DECR1: variants seen among roughly 807,000 people sequenced by gnomAD.
The protein encoded by DECR1 is 2,4-dienoyl-CoA reductase 1.
DECR1 carries 44 observed loss-of-function variants against 38.8 expected under a neutral mutation model. That is an observed-to-expected ratio of 1.13 (90% CI 0.89 to 1.46). The LOEUF is 1.46. Ranked by LOEUF, DECR1 falls within the 40% of genes most tolerant of loss-of-function variation. The pLI is 0.00. For missense variants in DECR1, 428 were observed against 405.5 expected, an observed-to-expected ratio of 1.06 and a Z score of -0.48; for synonymous variants, 148 against 135.2, an observed-to-expected ratio of 1.09 and a Z score of -0.66.
intron 4 of DECR1, 95 bp downstream of exon 4, chr8:90,019,267 T>G (rs1193921759): frequency 1.9e-6 from 2 of 1,059,220 alleles, no homozygotes; most frequent in East Asian, 5.1e-5. Context: ...GATACTGATG[T>G]AGGACAGGCA....
At chr8:90,015,976 A>G (rs574400907) in intron 1 of DECR1, among the ~76,000 whole-genome samples, 4 of 152,356 alleles carry the variant, frequency 2.6e-5, no homozygotes, top group African/African-American at 7.2e-5. Context: ...GCAGGTGGTA[A>G]CTACTTAATG....
At chr8:90,027,422 T>C (rs1339696265) in intron 5 of DECR1, among the ~76,000 whole-genome samples, 2 of 152,190 alleles carry the variant, frequency 1.3e-5, no homozygotes, top group South Asian at 2.1e-4. Context: ...TGGGTGCATA[T>C]ATGTTTAGGA....
intron 5 of DECR1, among the ~76,000 whole-genome samples, chr8:90,033,886 GT>G (rs561988928): frequency 2.0e-5 from 3 of 151,860 alleles, no homozygotes; most frequent in East Asian, 3.9e-4. Flanking sequence ...TTTTAAAGCA[GT>G]TTTTTTTCTT....
chr8:90,040,251 A>G (rs1040909929), intron 6 of DECR1, among the ~76,000 whole-genome samples: 5 of 152,204 alleles, frequency 3.3e-5, no homozygotes, highest in Admixed American at 6.5e-5. Flanking sequence ...TATGGCAATG[A>G]ACTTTGTCAA....
chr8:90,051,456 T>A (rs1185471630), intron 8 of DECR1, among the ~76,000 whole-genome samples: 1 of 152,222 alleles, frequency 6.6e-6, no homozygotes, highest in African/African-American at 2.4e-5. Context: ...TAAGATGATC[T>A]TCAATATTGG....
intron 1 of DECR1, among the ~76,000 whole-genome samples, chr8:90,001,768 G>A (rs1195322155): frequency 2.7e-5 from 4 of 150,940 alleles, no homozygotes; most frequent in African/African-American, 9.8e-5. Context: ...GGGGCCTCGG[G>A]GAGCGAGGAC....
chr8:90,011,026 A>C (rs973664532), intron 1 of DECR1, among the ~76,000 whole-genome samples: 2 of 152,214 alleles, frequency 1.3e-5, no homozygotes, highest in African/African-American at 4.8e-5. Flanking sequence ...GGTTATTATT[A>C]CTATGGTTAT....
At chr8:90,044,230 C>A (rs183879936) in intron 7 of DECR1, among the ~76,000 whole-genome samples, 125 of 152,260 alleles carry the variant, frequency 8.2e-4, no homozygotes, top group African/African-American at 2.8e-3. Flanking sequence ...TGTCTTATGG[C>A]TGCATTATTG....
At chr8:90,021,105 G>C in intron 5 of DECR1, 49 bp downstream of exon 5, 5 of 1,466,604 alleles carry the variant, frequency 3.4e-6, no homozygotes, top group Non-Finnish European at 4.6e-6. Flanking sequence ...GTGTGTGCAA[G>C]GTTCTGTGGT....
At chr8:90,039,412 G>A (rs941401285) in intron 6 of DECR1, among the ~76,000 whole-genome samples, 4 of 152,144 alleles carry the variant, frequency 2.6e-5, no homozygotes, top group Non-Finnish European at 5.9e-5. Context: ...CAAGTGAAGG[G>A]GTAAGCCCCT....
At chr8:90,030,604 T>C (rs1586154876) in intron 5 of DECR1, 1 of 152,216 alleles carries the variant, frequency 6.6e-6, no homozygotes, top group East Asian at 1.9e-4. Context: ...TGACCAGTCA[T>C]TGACATGATC....
Position 90,019,090 on chromosome 8 carries a change from A to T in DECR1, c.335A>T (p.His112Leu). The change falls in exon 4 of 10, where the codon CAT (histidine) becomes CTT (leucine). Residue 112 changes from histidine to leucine, a missense_variant. Transcript: ENST00000220764. ...ATTCTTTTTGTTATTTTGCAGGTTC[A>T]TGCAATTCAGTGTGATGTGAGGGAT... is the stretch of plus-strand genomic sequence containing the variant. ...QISSQTGNKV[H>L]AIQCDVRDPD... 1 of 1,613,990 alleles carries T rather than the reference A, an allele frequency of 6.2e-7. No individual in the cohort carries two copies. The highest frequency in any genetic ancestry group is 2.2e-5 in the East Asian group (1 of 44,878).
At chr8:90,017,053 C>A in intron 1 of DECR1, 71 bp from the exon 2 acceptor site, 1 of 1,032,000 alleles carries the variant, frequency 9.7e-7, no homozygotes, top group Non-Finnish European at 1.4e-6. Flanking sequence ...AATTCAAGAG[C>A]ATGTTTTAAA....
At chr8:90,002,757 G>A (rs1335787775) in intron 1 of DECR1, among the ~76,000 whole-genome samples, 1 of 152,102 alleles carries the variant, frequency 6.6e-6, no homozygotes, top group African/African-American at 2.4e-5. Context: ...AGTGAGATTT[G>A]TTCAGGGTTA....
At chr8:90,005,007 A>T (rs1408865297) in intron 1 of DECR1, among the ~76,000 whole-genome samples, 1 of 152,214 alleles carries the variant, frequency 6.6e-6, no homozygotes, top group Non-Finnish European at 1.5e-5. Context: ...TAGAGGAGGC[A>T]AGGAAAGCTT....
Position 90,053,142 on chromosome 8 carries a change from C to T in DECR1, c.*1245C>T, listed in dbSNP as rs747074261. 4.6e-5 allele frequency among the ~76,000 whole-genome samples: 7 copies of T among 152,068 alleles called. No homozygotes were observed. The highest frequency in any genetic ancestry group is 5.9e-5 in the Non-Finnish European group (4 of 68,014). On this transcript the variant is annotated 3_prime_UTR_variant, in exon 10 of 10. Transcript: ENST00000220764. The stretch of plus-strand genomic sequence containing the variant: ...GCAATACAATACTCTCAAAATAAAA[C>T]GCAGACAGGTACCTAGTCTCCATTT...
chr8:90,042,014 G>A (rs1813776315), intron 6 of DECR1, among the ~76,000 whole-genome samples: 1 of 152,036 alleles, frequency 6.6e-6, no homozygotes, highest in African/African-American at 2.4e-5. Flanking sequence ...GATTTTAAAA[G>A]AGCTACCTGT....
At chr8:90,006,101 C>T in intron 1 of DECR1, 1 of 662,650 alleles carries the variant, frequency 1.5e-6, no homozygotes, top group East Asian at 2.7e-5. Context: ...TCCCATTAGA[C>T]CCCACCTCCA....
chr8:90,046,696 G>A (rs993331545), intron 8 of DECR1, among the ~76,000 whole-genome samples: 7 of 152,282 alleles, frequency 4.6e-5, no homozygotes, highest in Middle Eastern at 3.4e-3. Context: ...AGGCTACAAA[G>A]ATACTCCCTG....
Sources: allele counts gnomAD v4.1 joint callset (sites outside exome capture counted in the v4.1 genomes callset), GRCh38; gene constraint gnomAD v4.1.1; transcripts MANE v1.5; gene names NCBI Gene and HGNC (gene_info 2026-07-23, HGNC 2026-07-21).